Variants in OSBPL10 observed in about 807,000 individuals in gnomAD.
OSBPL10 encodes the protein oxysterol-binding protein-related protein 10.
In OSBPL10, 49 loss-of-function variants were observed where a neutral mutation model predicts 81.7. The observed-to-expected ratio is 0.60, with a 90% CI of 0.48 to 0.76. The LOEUF (loss-of-function observed/expected upper bound fraction) is 0.76, where lower values mean the gene tolerates loss of function less well. Among genes scored for constraint, OSBPL10 ranks in the 30% least tolerant of loss-of-function variants. The pLI is 0.00. For synonymous variants in OSBPL10, 419 were observed against 383.6 expected (o/e 1.09, Z -1.08); for missense variants, 923 against 987.8 (o/e 0.93, Z 0.88).
intron 1 of OSBPL10, among the ~76,000 whole-genome samples, chr3:31,889,788 G>A (rs898945970): frequency 2.6e-5 from 4 of 152,006 alleles, no homozygotes; most frequent in African/African-American, 9.7e-5. Flanking sequence ...CAAATAGCTC[G>A]GAGGAGGATA....
intron 8 of OSBPL10, among the ~76,000 whole-genome samples, chr3:31,681,378 T>C (rs2125541851): frequency 6.6e-6 from 1 of 152,034 alleles, no homozygotes. Flanking sequence ...AACCCAAGAG[T>C]GGCTATTTTC....
intron 3 of OSBPL10, among the ~76,000 whole-genome samples, chr3:31,849,656 T>C (rs887358523): frequency 1.3e-5 from 2 of 152,178 alleles, no homozygotes; most frequent in African/African-American, 4.8e-5. Flanking sequence ...ATAAGACTTA[T>C]GACATATGCA....
chr3:31,728,217 G>C (rs1439269538), intron 6 of OSBPL10, among the ~76,000 whole-genome samples: 1 of 152,208 alleles, frequency 6.6e-6, no homozygotes, highest in Admixed American at 6.5e-5. Context: ...TATAGGGTAT[G>C]TGGTCTCTTG....
At chr3:31,893,289 A>G (rs1695954567) in intron 1 of OSBPL10, among the ~76,000 whole-genome samples, 1 of 152,222 alleles carries the variant, frequency 6.6e-6, no homozygotes, top group Non-Finnish European at 1.5e-5. Flanking sequence ...CAAAGAAGAT[A>G]CATGAATGGT....
rs983418252 is a variant in OSBPL10, at chr3:31,792,314, C to T, written c.729+37726G>A. The stretch of plus-strand genomic sequence containing the variant: ...TGAGCTTTCAAGCAATCAGACATTA[C>T]GTGTAACTTTCAAAAACATTCAGGA... On this transcript the variant is annotated intron_variant, in intron 4 of 11. Coordinates refer to ENST00000396556, the MANE Select transcript of OSBPL10 (RefSeq NM_017784.5). 1.1e-4 allele frequency among the ~76,000 whole-genome samples: 16 copies of T among 152,026 alleles called. 2 individuals carry two copies. The highest frequency in any genetic ancestry group is 2.1e-4 in the South Asian group (1 of 4,812).
intron 4 of OSBPL10, among the ~76,000 whole-genome samples, chr3:31,798,894 G>A (rs1032715587): frequency 1.3e-5 from 2 of 152,194 alleles, no homozygotes; most frequent in African/African-American, 4.8e-5. Flanking sequence ...AGACAATTAA[G>A]GAGCATGCAA....
chr3:31,900,024 A>C (rs1277009559), intron 1 of OSBPL10, among the ~76,000 whole-genome samples: 6 of 139,536 alleles, frequency 4.3e-5, no homozygotes, highest in African/African-American at 1.1e-4. Context: ...AGAAAATAAA[A>C]CTTTTTTTTT....
chr3:31,792,412 C>T (rs922076036), intron 4 of OSBPL10, among the ~76,000 whole-genome samples: 2 of 152,204 alleles, frequency 1.3e-5, no homozygotes, highest in Middle Eastern at 3.4e-3. Flanking sequence ...CTCAAACACC[C>T]CATTTTAAAC....
rs560219935 is a variant in OSBPL10 at position 31,876,592 on chromosome 3, AG to A, written c.458-81del. On this transcript the variant is annotated intron_variant, in intron 2 of 11. Transcript: ENST00000396556. ...TCCAACTTATTTCTACACCCACCTA[AG>A]GGGGTGGGGAGCCTGGGGAGTGAGA... The A allele has an allele frequency of 5.2e-5, 63 of 1,212,264 alleles. No individual in the cohort carries two copies. In the East Asian group the frequency reaches 1.4e-3, roughly 26 times the overall value. The allele number at this position is 1,212,264 out of a possible 1,614,324, so 75.1% of individuals were successfully genotyped here. A position where few individuals can be genotyped will look rare whatever the true frequency, so the allele number is the denominator to read the frequency against.
intron 1 of OSBPL10, among the ~76,000 whole-genome samples, chr3:31,970,051 T>C (rs1000266523): frequency 2.0e-5 from 3 of 152,124 alleles, no homozygotes; most frequent in Non-Finnish European, 2.9e-5. Flanking sequence ...GACCAAGTTC[T>C]TTCCAGAGAA....
chr3:31,882,981 G>C (rs1695631687), intron 1 of OSBPL10, among the ~76,000 whole-genome samples: 3 of 152,174 alleles, frequency 2.0e-5, no homozygotes, highest in Admixed American at 6.5e-5. Flanking sequence ...AAGAACCAGG[G>C]TAACTTCTGA....
intron 1 of OSBPL10, among the ~76,000 whole-genome samples, chr3:32,060,072 T>C (rs909593533): frequency 2.7e-5 from 4 of 149,784 alleles, no homozygotes. Flanking sequence ...TCGTGAAAAG[T>C]CAATGAGCTA....
intron 1 of OSBPL10, among the ~76,000 whole-genome samples, chr3:32,046,832 C>T (rs1263350511): frequency 1.3e-5 from 2 of 152,120 alleles, no homozygotes; most frequent in Non-Finnish European, 2.9e-5. Flanking sequence ...GAAATTAAGG[C>T]ACAGAGAGTT....
rs1553649789 is a variant in OSBPL10, at chr3:32,026,061, A to AGATAGATGATT, written n.298+20429_298+20430insAATCATCTATC. Among the ~76,000 whole-genome samples, 141 of 90,812 alleles carry AGATAGATGATT rather than the reference A, an allele frequency of 1.6e-3. 2 individuals carry two copies. The Middle Eastern group carries it at 0.031, about 20-fold the overall frequency. The allele number at this position is 90,812 out of a possible 152,430, so 59.6% of individuals were successfully genotyped here. ...ATAGATAGATAGATAGATAGATGAT[A>AGATAGATGATT]GATAGATAGATAGATAGATAGATAG... On this transcript the variant is annotated intron_variant and non_coding_transcript_variant, in intron 2 of 3. Coordinates refer to the OSBPL10 transcript ENST00000479173.
chr3:31,844,102 G>A (rs1302098110), intron 3 of OSBPL10, among the ~76,000 whole-genome samples: 1 of 152,214 alleles, frequency 6.6e-6, no homozygotes, highest in Non-Finnish European at 1.5e-5. Flanking sequence ...GGTACAAGAT[G>A]CTGAACTAGG....
At position 31,661,885 on chromosome 3, in the gene OSBPL10, G is replaced by T; in HGVS notation, c.*187C>A. 2 of 818,902 alleles carry T rather than the reference G, an allele frequency of 2.4e-6. No homozygotes were observed. Among genetic ancestry groups the T allele is most frequent in the Non-Finnish European group, 3.7e-6 (2 of 540,816 alleles). 50.7% of individuals were successfully genotyped at this position (818,902 alleles called of 1,614,324 possible). ...CACACACGTGCCCCGAATGGCTCTT[G>T]AATAAATTCATTCCTCTAGCAGAGT... On this transcript the variant is annotated 3_prime_UTR_variant, in exon 12 of 12. Transcript: ENST00000396556.
At chr3:32,069,627 C>T (rs770750589) in intron 1 of OSBPL10, among the ~76,000 whole-genome samples, 5 of 152,186 alleles carry the variant, frequency 3.3e-5, no homozygotes, top group Non-Finnish European at 5.9e-5. Flanking sequence ...CAGCTCCTGA[C>T]ATTAGAAAAA....
At chr3:31,964,419 A>C (rs141893461) in intron 1 of OSBPL10, among the ~76,000 whole-genome samples, 2 of 152,148 alleles carry the variant, frequency 1.3e-5, no homozygotes, top group Non-Finnish European at 2.9e-5. Flanking sequence ...GGCCTCCCAT[A>C]GTGATGGGAT....
chr3:31,747,267 G>A (rs1377129818), intron 5 of OSBPL10, among the ~76,000 whole-genome samples: 3 of 151,452 alleles, frequency 2.0e-5, no homozygotes, highest in Non-Finnish European at 4.4e-5. Context: ...GTAGTGAGCC[G>A]AGATTGTGCC....
Sources: gnomAD v4.1 joint callset for allele counts (sites outside exome capture counted in the v4.1 genomes callset) on GRCh38, gnomAD v4.1.1 for gene constraint, MANE v1.5 for transcripts, NCBI Gene and HGNC (gene_info 2026-07-23, HGNC 2026-07-21) for gene names.